ANKS1B: variants seen among roughly 807,000 people sequenced by gnomAD.
ANKS1B encodes ankyrin repeat and sterile alpha motif domain containing 1B.
A neutral mutation model predicts 148.3 loss-of-function variants in ANKS1B; 36 were observed. The observed-to-expected ratio is 0.24, with a 90% CI of 0.19 to 0.32. ANKS1B has a LOEUF of 0.32. Ranked by LOEUF, ANKS1B falls within the 10% of genes least tolerant of loss-of-function variation. ANKS1B has a pLI of 1.00. For missense variants in ANKS1B, 1,157 were observed against 1,542.6 expected (o/e 0.75, Z 4.19); for synonymous variants, 542 against 560.8 (o/e 0.97, Z 0.47).
intron 12 of ANKS1B, among the ~76,000 whole-genome samples, chr12:99,253,623 C>T (rs2074915757): frequency 6.6e-6 from 1 of 152,044 alleles, no homozygotes; most frequent in Non-Finnish European, 1.5e-5. Context: ...TTATAACCCA[C>T]TGAATAAAAC....
intron 1 of ANKS1B, among the ~76,000 whole-genome samples, chr12:99,937,098 C>T (rs949672724): frequency 1.8e-4 from 27 of 152,180 alleles, no homozygotes; most frequent in African/African-American, 6.3e-4. Context: ...GAGTTCCCAT[C>T]TCCTTCATGA....
chr12:99,621,435 A>G (rs545432882), intron 9 of ANKS1B, among the ~76,000 whole-genome samples: 33 of 147,130 alleles, frequency 2.2e-4, no homozygotes, highest in Non-Finnish European at 2.4e-4. Context: ...AATACCCCCC[A>G]CTTAAAATCA....
At chr12:98,800,675 G>GAGATAT (rs1555338103) in intron 21 of ANKS1B, among the ~76,000 whole-genome samples, 1 of 99,654 alleles carries the variant, frequency 1.0e-5, no homozygotes, top group African/African-American at 3.4e-5. Context: ...AGTGAGCAGA[G>GAGATAT]ATATATATAT....
chr12:99,401,675 C>G (rs1567031860), intron 11 of ANKS1B, among the ~76,000 whole-genome samples: 1 of 146,656 alleles, frequency 6.8e-6, no homozygotes, highest in Non-Finnish European at 1.5e-5. Flanking sequence ...AGGAATAAAA[C>G]AAGACACTGT....
intron 17 of ANKS1B, among the ~76,000 whole-genome samples, chr12:98,858,582 C>G (rs73139163): frequency 1.3e-5 from 2 of 152,110 alleles, no homozygotes; most frequent in Non-Finnish European, 2.9e-5. Flanking sequence ...TCAAGTGATC[C>G]GCTCGCCTCA....
At chr12:99,225,488 C>T (rs754762794) in intron 14 of ANKS1B, among the ~76,000 whole-genome samples, 26 of 152,062 alleles carry the variant, frequency 1.7e-4, no homozygotes, top group African/African-American at 6.0e-4. Context: ...TGGGTGTCTC[C>T]GTGAGGGTGT....
chr12:98,865,303 G>A (rs550826085), intron 17 of ANKS1B, among the ~76,000 whole-genome samples: 1 of 152,152 alleles, frequency 6.6e-6, no homozygotes, highest in Admixed American at 6.5e-5. Context: ...CTTAGTCCCT[G>A]TTGTGATAAA....
chr12:98,901,237 A>G (rs545444857), intron 17 of ANKS1B, among the ~76,000 whole-genome samples: 1 of 152,356 alleles, frequency 6.6e-6, no homozygotes, highest in African/African-American at 2.4e-5. Flanking sequence ...CAGAAAATAT[A>G]TAAACCTGGA....
intron 1 of ANKS1B, among the ~76,000 whole-genome samples, chr12:99,940,679 G>A (rs774635080): frequency 1.3e-5 from 2 of 152,096 alleles, no homozygotes; most frequent in South Asian, 2.1e-4. Flanking sequence ...ACTAAGATAC[G>A]CAAAGTTGAA....
intron 14 of ANKS1B, 175 bp from the exon 15 acceptor site, chr12:99,154,570 G>C: frequency 6.6e-7 from 1 of 1,515,826 alleles, no homozygotes; most frequent in Non-Finnish European, 8.8e-7. Flanking sequence ...AAAGTCAGAA[G>C]TAAAACATAG....
At chr12:99,917,891 A>G (rs1156654079) in intron 1 of ANKS1B, among the ~76,000 whole-genome samples, 1 of 152,242 alleles carries the variant, frequency 6.6e-6, no homozygotes. Flanking sequence ...GCAGGAGGTG[A>G]GCAGCAAGGA....
At chr12:99,642,598 C>T (rs777701859) in intron 9 of ANKS1B, among the ~76,000 whole-genome samples, 55 of 151,994 alleles carry the variant, frequency 3.6e-4, no homozygotes, top group Non-Finnish European at 6.5e-4. Context: ...GGTGAATCAC[C>T]TGAGGTCAGG....
chr12:99,274,161 A>G (rs1337432910), intron 12 of ANKS1B, among the ~76,000 whole-genome samples: 1 of 152,090 alleles, frequency 6.6e-6, no homozygotes, highest in Non-Finnish European at 1.5e-5. Flanking sequence ...ATACCCAGGG[A>G]TTACACCTTA....
intron 1 of ANKS1B, among the ~76,000 whole-genome samples, chr12:99,885,872 G>T (rs1233240055): frequency 1.3e-5 from 2 of 152,046 alleles, no homozygotes; most frequent in Non-Finnish European, 2.9e-5. Context: ...TTCCATTCCT[G>T]TGTTACTTCA....
Position 99,806,652 on chromosome 12 carries a change from A to G in ANKS1B, c.421T>C (p.Ser141Pro). 6.2e-7 allele frequency: 1 copy of G among 1,613,958 alleles called. No individual in the cohort carries two copies. The highest frequency in any genetic ancestry group is 8.5e-7 in the Non-Finnish European group (1 of 1,179,864). Reference sequence around the variant, plus strand: ...TCTAGGAGAACAGCAACTACTTCTGAGTGTCCATATTGAGCTGCACAGTGT... The same window carrying G: ...TCTAGGAGAACAGCAACTACTTCTGGGTGTCCATATTGAGCTGCACAGTGT... Reference protein sequence around the residue: ...ALHCAAQYGHSEVVAVLLEEL... With the variant: ...ALHCAAQYGHPEVVAVLLEEL... The change falls in exon 4 of 27, where the codon TCA becomes CCA. Residue 141 changes from serine to proline, a missense_variant. Ser to Pro is a moderately conservative substitution (Grantham distance 74). Coordinates refer to ENST00000683438, the MANE Select transcript of ANKS1B (RefSeq NM_001352186.2).
intron 8 of ANKS1B, among the ~76,000 whole-genome samples, chr12:99,718,464 C>T (rs2057697386): frequency 1.3e-5 from 2 of 152,308 alleles, no homozygotes; most frequent in Admixed American, 6.5e-5. Flanking sequence ...AACCTAATCA[C>T]TCTTACCCCG....
At chr12:98,853,933 C>T (rs1035418877) in intron 17 of ANKS1B, among the ~76,000 whole-genome samples, 4 of 152,120 alleles carry the variant, frequency 2.6e-5, no homozygotes, top group African/African-American at 4.8e-5. Context: ...CCTCAGCACT[C>T]GGGGGCTGTT....
intron 8 of ANKS1B, among the ~76,000 whole-genome samples, chr12:99,681,632 G>A (rs2098618125): frequency 6.6e-6 from 1 of 152,204 alleles, no homozygotes; most frequent in East Asian, 1.9e-4. Flanking sequence ...ATTCCTAGAG[G>A]AAGGGGAAGA....
intron 17 of ANKS1B, among the ~76,000 whole-genome samples, chr12:98,980,290 T>G (rs1302044883): frequency 1.3e-5 from 2 of 152,114 alleles, no homozygotes; most frequent in African/African-American, 4.8e-5. Context: ...AAGCTCCGCC[T>G]CCCAGGTACC....
Sources: gnomAD v4.1 joint callset for allele counts (sites outside exome capture counted in the v4.1 genomes callset) on GRCh38, gnomAD v4.1.1 for gene constraint, MANE v1.5 for transcripts, NCBI Gene and HGNC (gene_info 2026-07-23, HGNC 2026-07-21) for gene names.